ROBO1: variants seen among roughly 807,000 people sequenced by gnomAD.
ROBO1 encodes the protein roundabout homolog 1.
Under a neutral mutation model 195.9 loss-of-function variants are expected in ROBO1, and 149 were observed. That is an observed-to-expected ratio of 0.76 (90% CI 0.67 to 0.87). ROBO1 has a LOEUF of 0.87. ROBO1 is among the 40% of genes least tolerant of loss of function. The pLI, the probability that ROBO1 is intolerant of heterozygous loss-of-function variation, is 0.00. For missense variants in ROBO1, 1,933 were observed against 2,068.3 expected, an observed-to-expected ratio of 0.93 and a Z score of 1.27; for synonymous variants, 816 against 733.2, an observed-to-expected ratio of 1.11 and a Z score of -1.82.
chr3:79,659,744 C>T (rs779246026), intron 1 of ROBO1, among the ~76,000 whole-genome samples: 2 of 152,022 alleles, frequency 1.3e-5, no homozygotes, highest in East Asian at 1.9e-4. Context: ...GCCACCATGT[C>T]GACAGTGAGT....
intron 2 of ROBO1, among the ~76,000 whole-genome samples, chr3:79,525,043 T>C (rs1208996761): frequency 6.6e-6 from 1 of 151,852 alleles, no homozygotes; most frequent in African/African-American, 2.4e-5. Context: ...AAACCTGTCA[T>C]AAAAATTCTC....
intron 4 of ROBO1, among the ~76,000 whole-genome samples, chr3:78,811,252 T>TA (rs1201901567): frequency 6.6e-6 from 1 of 152,158 alleles, no homozygotes; most frequent in African/African-American, 2.4e-5. Context: ...AAAACAAATG[T>TA]AAAAAAGTAT....
intron 1 of ROBO1, among the ~76,000 whole-genome samples, chr3:79,710,180 A>G (rs1364102064): frequency 6.6e-6 from 1 of 152,166 alleles, no homozygotes; most frequent in Non-Finnish European, 1.5e-5. Context: ...GAGAAATTCT[A>G]GCATAGACCT....
chr3:78,918,401 G>A (rs145250778), intron 4 of ROBO1, among the ~76,000 whole-genome samples: 2 of 152,006 alleles, frequency 1.3e-5, no homozygotes, highest in African/African-American at 2.4e-5. Flanking sequence ...GACAGAGAGC[G>A]GCTTGGAAAA....
At chr3:78,654,262 T>G (rs1706857227) in intron 18 of ROBO1, among the ~76,000 whole-genome samples, 1 of 152,150 alleles carries the variant, frequency 6.6e-6, no homozygotes, top group African/African-American at 2.4e-5. Context: ...CCTTCTCATG[T>G]TGTATGAGTG....
At chr3:78,721,586 C>T (rs139327767) in intron 5 of ROBO1, among the ~76,000 whole-genome samples, 54 of 152,244 alleles carry the variant, frequency 3.5e-4, no homozygotes, top group African/African-American at 1.2e-3. Context: ...CATAATTTAA[C>T]ATTCTCTTTG....
At chr3:78,952,356 T>TAC (rs1011927606) in intron 3 of ROBO1, among the ~76,000 whole-genome samples, 5 of 149,644 alleles carry the variant, frequency 3.3e-5, no homozygotes, top group African/African-American at 1.2e-4. Context: ...GGGATGTAAT[T>TAC]ATATATATAA....
intron 4 of ROBO1, among the ~76,000 whole-genome samples, chr3:78,873,926 A>G (rs2107177335): frequency 6.6e-6 from 1 of 152,216 alleles, no homozygotes; most frequent in East Asian, 1.9e-4. Context: ...TTGGAAATCA[A>G]GCAACTTGTC....
chr3:79,586,223 T>A (rs957212581), intron 2 of ROBO1, among the ~76,000 whole-genome samples: 1 of 151,996 alleles, frequency 6.6e-6, no homozygotes, highest in Non-Finnish European at 1.5e-5. Flanking sequence ...ATGGGGGTTG[T>A]ATGTATATTC....
At chr3:79,723,299 C>T (rs1242523148) in intron 1 of ROBO1, among the ~76,000 whole-genome samples, 1 of 152,172 alleles carries the variant, frequency 6.6e-6, no homozygotes, top group East Asian at 1.9e-4. Flanking sequence ...GAGGCAGAGT[C>T]TATCAACTCT....
At chr3:79,702,897 G>A (rs1466153608) in intron 1 of ROBO1, among the ~76,000 whole-genome samples, 4 of 151,814 alleles carry the variant, frequency 2.6e-5, no homozygotes, top group Non-Finnish European at 4.4e-5. Context: ...AATCCTACTC[G>A]TGGCTTCTGG....
At chr3:79,184,382 A>T (rs749637297) in intron 2 of ROBO1, among the ~76,000 whole-genome samples, 1 of 152,178 alleles carries the variant, frequency 6.6e-6, no homozygotes, top group Non-Finnish European at 1.5e-5. Context: ...CTATGTATAG[A>T]TTTCCAGTGC....
chr3:79,044,189 G>C (rs7629953), intron 3 of ROBO1, among the ~76,000 whole-genome samples: 5 of 151,590 alleles, frequency 3.3e-5, no homozygotes, highest in Non-Finnish European at 7.4e-5. Context: ...ACAAATTTGT[G>C]TTAGCCTGCA....
intron 3 of ROBO1, among the ~76,000 whole-genome samples, chr3:78,999,134 G>A (rs1022329869): frequency 6.6e-6 from 1 of 151,830 alleles, no homozygotes; most frequent in Admixed American, 6.6e-5. Flanking sequence ...GTAAATTAGT[G>A]GAGATACCGT....
At chr3:79,671,603 T>A (rs1322408844) in intron 1 of ROBO1, among the ~76,000 whole-genome samples, 2 of 152,028 alleles carry the variant, frequency 1.3e-5, no homozygotes, top group East Asian at 1.9e-4. Flanking sequence ...ACAACAAAAA[T>A]ACATTTAGAA....
chr3:78,958,626 G>A (rs972203505), intron 3 of ROBO1, among the ~76,000 whole-genome samples: 2 of 151,014 alleles, frequency 1.3e-5, no homozygotes, highest in South Asian at 4.1e-4. Flanking sequence ...AAAAATCCAC[G>A]ATTTCAAGTT....
At chr3:78,997,336 G>C (rs2077392063) in intron 3 of ROBO1, among the ~76,000 whole-genome samples, 1 of 152,090 alleles carries the variant, frequency 6.6e-6, no homozygotes, top group Non-Finnish European at 1.5e-5. Flanking sequence ...CTAGCATATA[G>C]GTTCCATGAG....
chr3:79,720,115 G>A (rs1702638713), intron 1 of ROBO1, among the ~76,000 whole-genome samples: 1 of 152,132 alleles, frequency 6.6e-6, no homozygotes, highest in Non-Finnish European at 1.5e-5. Context: ...TTTAAAGATG[G>A]CCCTCAATGA....
At chr3:78,776,243 T>TTTAG (rs551734751) in intron 4 of ROBO1, among the ~76,000 whole-genome samples, 1 of 82,922 alleles carries the variant, frequency 1.2e-5, no homozygotes, top group Non-Finnish European at 3.1e-5. Context: ...GAAATTCTTA[T>TTTAG]TTATTTATTT....
Sources: gnomAD v4.1 joint callset for allele counts (sites outside exome capture counted in the v4.1 genomes callset) on GRCh38, gnomAD v4.1.1 for gene constraint, MANE v1.5 for transcripts, NCBI Gene and HGNC (gene_info 2026-07-23, HGNC 2026-07-21) for gene names.